The following SRL variants were observed in gnomAD, a reference collection of about 807,000 sequenced individuals.
SRL encodes the protein sarcalumenin.
In SRL, 23 loss-of-function variants were observed where a neutral mutation model predicts 39.5. That is an observed-to-expected ratio of 0.58 (90% CI 0.42 to 0.82). The LOEUF (loss-of-function observed/expected upper bound fraction) is 0.82, where lower values mean the gene tolerates loss of function less well. Among genes scored for constraint, SRL ranks in the 40% least tolerant of loss-of-function variants. The probability of loss-of-function intolerance (pLI) is 0.00; values close to 1 mark genes in which losing one functional copy is unlikely to be tolerated. For missense variants in SRL, 592 were observed against 607.8 expected (o/e 0.97, Z 0.27); for synonymous variants, 272 against 237.4 (o/e 1.15, Z -1.34).
chr16:4,224,335 T>G (rs1335527061), intron 1 of SRL, among the ~76,000 whole-genome samples: 2 of 151,682 alleles, frequency 1.3e-5, no homozygotes, highest in Admixed American at 1.3e-4. Flanking sequence ...ATTGATGGAG[T>G]GCCTATATAC....
chr16:4,227,052 A>ATGGT (rs1197339601), intron 1 of SRL, among the ~76,000 whole-genome samples: 1 of 85,948 alleles, frequency 1.2e-5, no homozygotes, highest in African/African-American at 5.8e-5. Context: ...GGATGGATGA[A>ATGGT]TGGATGGATG....
intron 5 of SRL, among the ~76,000 whole-genome samples, chr16:4,193,488 T>A (rs1039231342): frequency 6.6e-6 from 1 of 152,208 alleles, no homozygotes; most frequent in African/African-American, 2.4e-5. Flanking sequence ...AAAGAATGAA[T>A]GCATTATTTA....
At chr16:4,220,746 T>C (rs1410477753) in intron 1 of SRL, among the ~76,000 whole-genome samples, 1 of 152,082 alleles carries the variant, frequency 6.6e-6, no homozygotes, top group Non-Finnish European at 1.5e-5. Flanking sequence ...GAAATAACTC[T>C]GGGTGGCTGA....
At chr16:4,199,908 G>T (rs536702184) in intron 3 of SRL, among the ~76,000 whole-genome samples, 20 of 152,176 alleles carry the variant, frequency 1.3e-4, no homozygotes, top group Non-Finnish European at 2.4e-4. Context: ...TGTTGCCCAG[G>T]CTGGTCTCGA....
chr16:4,209,852 C>A (rs2141041456), intron 1 of SRL, among the ~76,000 whole-genome samples: 1 of 152,324 alleles, frequency 6.6e-6, no homozygotes. Flanking sequence ...GCCCTAGATA[C>A]ATCACCACTA....
Position 4,190,469 on chromosome 16 carries a change from C to T in SRL, c.*1684G>A. On this transcript the variant is annotated 3_prime_UTR_variant, in exon 6 of 6. Transcript: ENST00000399609. ...GGCAGCCCGGGCTGGGTCTCCTGGGCATGCACAGACTGTGCACCATGCACA... is the reference window on the plus strand; with the variant it reads ...GGCAGCCCGGGCTGGGTCTCCTGGGTATGCACAGACTGTGCACCATGCACA... 2.5e-6 allele frequency: 1 copy of T among 398,772 alleles called. No individual in the cohort carries two copies. 24.7% of individuals were successfully genotyped at this position (398,772 alleles called of 1,614,324 possible). A position where few individuals can be genotyped will look rare whatever the true frequency, so the allele number is the denominator to read the frequency against.
chr16:4,206,865 C>G (rs1378419370), intron 1 of SRL: 1 of 456,754 alleles, frequency 2.2e-6, no homozygotes, highest in Non-Finnish European at 4.4e-6. Flanking sequence ...GTCCCTGTGA[C>G]TTGTGGTTCC....
At chr16:4,203,062 T>C in intron 3 of SRL, 104 bp downstream of exon 3, 1 of 987,630 alleles carries the variant, frequency 1.0e-6, no homozygotes, top group Admixed American at 1.8e-5. Flanking sequence ...CTCCTGAACC[T>C]GTGTGGGTAC....
chr16:4,241,837 T>G (rs559710190), intron 1 of SRL, among the ~76,000 whole-genome samples, 170 bp downstream of exon 1: 1 of 152,270 alleles, frequency 6.6e-6, no homozygotes, highest in East Asian at 1.9e-4. Context: ...AGCACCCAGC[T>G]CTTTCTCTGA....
At chr16:4,228,844 G>A (rs892477495) in intron 1 of SRL, among the ~76,000 whole-genome samples, 11 of 152,248 alleles carry the variant, frequency 7.2e-5, no homozygotes, top group Admixed American at 1.3e-4. Context: ...CTCCAGAACT[G>A]GACTGAGCCA....
intron 3 of SRL, among the ~76,000 whole-genome samples, chr16:4,198,748 C>G (rs2052182056): frequency 6.6e-6 from 1 of 152,184 alleles, no homozygotes; most frequent in African/African-American, 2.4e-5. Context: ...CACTTACCCT[C>G]TTCTAGGGCC....
intron 1 of SRL, among the ~76,000 whole-genome samples, chr16:4,216,683 C>T (rs1473884354): frequency 6.6e-6 from 1 of 152,170 alleles, no homozygotes. Flanking sequence ...TCAGTTTTTC[C>T]AGAGATCAGC....
intron 1 of SRL, chr16:4,207,918 G>T: frequency 2.2e-6 from 1 of 456,730 alleles, no homozygotes; most frequent in South Asian, 1.5e-5. Flanking sequence ...GGCAGACGCG[G>T]GGGTCTTCTT....
intron 1 of SRL, among the ~76,000 whole-genome samples, chr16:4,211,677 G>C (rs867681799): frequency 1.8e-3 from 266 of 147,314 alleles, no homozygotes; most frequent in African/African-American, 6.2e-3. Flanking sequence ...CCGATGATGA[G>C]GATCGTGATG....
At chr16:4,229,404 C>G (rs2052634565) in intron 1 of SRL, among the ~76,000 whole-genome samples, 1 of 151,894 alleles carries the variant, frequency 6.6e-6, no homozygotes, top group South Asian at 2.1e-4. Flanking sequence ...GAGCCAAGAT[C>G]ACGCCACTGC....
chr16:4,218,551 T>C (rs1339027883), intron 1 of SRL, among the ~76,000 whole-genome samples: 1 of 152,078 alleles, frequency 6.6e-6, no homozygotes, highest in African/African-American at 2.4e-5. Context: ...GGCGCTTTGC[T>C]CCTCTCGCAC....
rs2052079361 is a variant in SRL at position 4,192,437 on chromosome 16, T to C, written c.1138A>G (p.Ile380Val). Reference protein sequence around the residue: ...DIVEDPDKFYIFKTILAKTNV... With the variant: ...DIVEDPDKFYVFKTILAKTNV... ...GTCTTTGCCAGGATGGTCTTGAAGA[T>C]GTAGAATTTATCGGGATCTTCCACA... Residue 380 changes from isoleucine to valine, a missense_variant, in exon 6 of 6, where the codon ATC (isoleucine) becomes GTC (valine). Physicochemically the swap from Ile to Val is conservative, Grantham distance 29 (BLOSUM62 3). Coordinates refer to ENST00000399609, the MANE Select transcript of SRL (RefSeq NM_001098814.2). This position sits in a 1 kb window ranked among gnomAD's most constrained non-coding sequence, Gnocchi z 4.0. The C allele has an allele frequency of 6.2e-7, 1 of 1,614,184 alleles. No individual in the cohort carries two copies. Among genetic ancestry groups the C allele is most frequent in the Non-Finnish European group, 8.5e-7 (1 of 1,180,038 alleles).
intron 4 of SRL, 81 bp downstream of exon 4, chr16:4,197,718 G>C (rs1401316222): frequency 9.5e-7 from 1 of 1,055,322 alleles, no homozygotes; most frequent in East Asian, 2.4e-5. Context: ...GAGTCATAAT[G>C]TCCGGCCAGT....
chr16:4,220,278 A>AACACACACACAC (rs71394664), intron 1 of SRL, among the ~76,000 whole-genome samples: 6,423 of 140,680 alleles, frequency 0.046, 292 homozygotes, highest in African/African-American at 0.12. Flanking sequence ...TCTCTACTAA[A>AACACACACACAC]ACACACACAC....
Sources: allele counts gnomAD v4.1 joint callset (sites outside exome capture counted in the v4.1 genomes callset), GRCh38; gene constraint gnomAD v4.1.1; non-coding constraint Gnocchi (gnomAD v3.1); transcripts MANE v1.5; gene names NCBI Gene and HGNC (gene_info 2026-07-23, HGNC 2026-07-21).